The following TMEM108 variants were observed in gnomAD, a reference collection of about 807,000 sequenced individuals.
TMEM108 encodes the protein cancer/testis antigen 124.
Under a neutral mutation model 35.1 loss-of-function variants are expected in TMEM108, and 12 were observed. That is an observed-to-expected ratio of 0.34 (90% CI 0.22 to 0.55). The LOEUF is 0.55. Among genes scored for constraint, TMEM108 ranks in the 20% least tolerant of loss-of-function variants. The probability of loss-of-function intolerance (pLI) is 0.89; values close to 1 mark genes in which losing one functional copy is unlikely to be tolerated. For missense variants in TMEM108, 680 were observed against 753.3 expected (o/e 0.90, Z 1.14); for synonymous variants, 287 against 308.6 (o/e 0.93, Z 0.73).
At chr3:133,243,560 A>C (rs6788644) in intron 3 of TMEM108, among the ~76,000 whole-genome samples, 2 of 151,642 alleles carry the variant, frequency 1.3e-5, no homozygotes, top group African/African-American at 2.4e-5. Flanking sequence ...TCGTTCTGTC[A>C]CCCAGGCTGG....
chr3:133,338,006 G>A (rs1295357760), intron 3 of TMEM108, among the ~76,000 whole-genome samples: 1 of 152,062 alleles, frequency 6.6e-6, no homozygotes, highest in Admixed American at 6.6e-5. Flanking sequence ...ATACACGTCG[G>A]AGGAGGCAAA....
At chr3:133,326,843 A>G (rs146213163) in intron 3 of TMEM108, among the ~76,000 whole-genome samples, 104 of 152,344 alleles carry the variant, frequency 6.8e-4, no homozygotes, top group African/African-American at 2.5e-3. Context: ...TATCTGTGAA[A>G]TAATATGTCC....
intron 3 of TMEM108, among the ~76,000 whole-genome samples, chr3:133,234,344 A>G (rs1946200705): frequency 2.0e-5 from 3 of 152,196 alleles, no homozygotes; most frequent in Admixed American, 6.5e-5. Flanking sequence ...TGATGCAAAA[A>G]TCCTCAATAA....
At chr3:133,212,826 C>T (rs1052893256) in intron 2 of TMEM108, among the ~76,000 whole-genome samples, 1 of 143,176 alleles carries the variant, frequency 7.0e-6, no homozygotes, top group Non-Finnish European at 1.5e-5. Flanking sequence ...GAAATTGCAC[C>T]ACTGCACTCC....
intron 2 of TMEM108, among the ~76,000 whole-genome samples, chr3:133,150,816 G>T (rs371744248): frequency 7.2e-5 from 11 of 152,248 alleles, no homozygotes; most frequent in African/African-American, 2.4e-4. Context: ...ATGGCAGGAA[G>T]ACTAGGCCAC....
intron 3 of TMEM108, among the ~76,000 whole-genome samples, chr3:133,305,622 T>C (rs1250713094): frequency 6.6e-6 from 1 of 152,064 alleles, no homozygotes; most frequent in Non-Finnish European, 1.5e-5. Flanking sequence ...AGGAGTGAAA[T>C]TGCAGTGTTG....
chr3:133,226,122 G>A (rs1218385038), intron 2 of TMEM108, among the ~76,000 whole-genome samples: 1 of 152,190 alleles, frequency 6.6e-6, no homozygotes, highest in African/African-American at 2.4e-5. Flanking sequence ...TGTTGAAGGA[G>A]TTATTAATAT....
chr3:133,360,643 T>G (rs546641845), intron 3 of TMEM108, among the ~76,000 whole-genome samples: 1 of 152,320 alleles, frequency 6.6e-6, no homozygotes, highest in South Asian at 2.1e-4. Context: ...TCACCATGAG[T>G]GAGGCTGGTG....
chr3:133,343,807 C>T (rs538386725), intron 3 of TMEM108, among the ~76,000 whole-genome samples: 2 of 151,740 alleles, frequency 1.3e-5, no homozygotes, highest in East Asian at 1.9e-4. Flanking sequence ...TTATCACAAA[C>T]AGTGAGATTT....
chr3:133,039,934 T>A (rs1405803322), intron 1 of TMEM108, among the ~76,000 whole-genome samples: 1 of 152,160 alleles, frequency 6.6e-6, no homozygotes, highest in Non-Finnish European at 1.5e-5. Flanking sequence ...AGAATTCAGT[T>A]TACTAGGCAA....
intron 2 of TMEM108, among the ~76,000 whole-genome samples, chr3:133,170,904 A>G (rs1945120757): frequency 6.6e-6 from 1 of 152,224 alleles, no homozygotes; most frequent in Non-Finnish European, 1.5e-5. Context: ...GAGAATCAAT[A>G]GTTAAACCCC....
chr3:133,295,376 T>C (rs1014356770), intron 3 of TMEM108, among the ~76,000 whole-genome samples: 3 of 152,196 alleles, frequency 2.0e-5, no homozygotes, highest in Non-Finnish European at 4.4e-5. Flanking sequence ...GTCTAGCATG[T>C]GGTGGTAGGC....
intron 2 of TMEM108, among the ~76,000 whole-genome samples, chr3:133,087,727 T>G (rs1341130317): frequency 6.6e-6 from 1 of 152,160 alleles, no homozygotes; most frequent in Non-Finnish European, 1.5e-5. Context: ...GCTTCGGGTA[T>G]CTTGAGAACA....
intron 2 of TMEM108, among the ~76,000 whole-genome samples, chr3:133,221,470 A>C (rs1020353543): frequency 2.0e-5 from 3 of 152,152 alleles, no homozygotes; most frequent in Non-Finnish European, 4.4e-5. Flanking sequence ...GTAAATTATA[A>C]GGAGTTTTGT....
chr3:133,231,044 AT>A (rs1424403724), intron 3 of TMEM108, among the ~76,000 whole-genome samples: 2 of 152,216 alleles, frequency 1.3e-5, no homozygotes, highest in African/African-American at 2.4e-5. Context: ...ACTGACATGC[AT>A]ATACACACAA....
chr3:133,071,347 A>G (rs1009421113), intron 2 of TMEM108, among the ~76,000 whole-genome samples: 10 of 152,132 alleles, frequency 6.6e-5, no homozygotes, highest in Non-Finnish European at 8.8e-5. Flanking sequence ...GTGTCTTCAC[A>G]TGGATTTCCC....
At chr3:133,286,937 C>T (rs1035863815) in intron 3 of TMEM108, among the ~76,000 whole-genome samples, 33 of 152,334 alleles carry the variant, frequency 2.2e-4, no homozygotes, top group African/African-American at 6.5e-4. Context: ...TTTCTGCTAT[C>T]TGCTTCTCTA....
At chr3:133,271,208 G>A (rs1378865407) in intron 3 of TMEM108, among the ~76,000 whole-genome samples, 1 of 152,162 alleles carries the variant, frequency 6.6e-6, no homozygotes, top group Admixed American at 6.5e-5. Context: ...CAGCTCACTG[G>A]TTGAGAGAGG....
chr3:133,209,120 T>G (rs1016810919), intron 2 of TMEM108, among the ~76,000 whole-genome samples: 1 of 152,002 alleles, frequency 6.6e-6, no homozygotes, highest in African/African-American at 2.4e-5. Flanking sequence ...CATAGCTCAC[T>G]GAAACTTCAA....
Sources: gnomAD v4.1 joint callset for allele counts (sites outside exome capture counted in the v4.1 genomes callset) on GRCh38, gnomAD v4.1.1 for gene constraint, MANE v1.5 for transcripts, NCBI Gene and HGNC (gene_info 2026-07-23, HGNC 2026-07-21) for gene names.